Variants in SLC15A1 observed in about 807,000 individuals in gnomAD.
SLC15A1 encodes the protein Caco-2 oligopeptide transporter.
In SLC15A1, 83 loss-of-function variants were observed where a neutral mutation model predicts 92.9. The observed-to-expected ratio is 0.89, with a 90% CI of 0.75 to 1.07. The LOEUF (loss-of-function observed/expected upper bound fraction) is 1.07. SLC15A1 is among the 50% of genes least tolerant of loss of function. The probability of loss-of-function intolerance (pLI) is 0.00; values close to 1 mark genes in which losing one functional copy is unlikely to be tolerated. For missense variants in SLC15A1, 857 were observed against 880.1 expected (o/e 0.97, Z 0.33); for synonymous variants, 322 against 318.2 (o/e 1.01, Z -0.13).
Position 98,723,947 on chromosome 13 carries a change from G to C in SLC15A1, c.330C>G (p.Asn110Lys). 6.2e-7 allele frequency: 1 copy of C among 1,614,188 alleles called. No individual in the cohort carries two copies. Among genetic ancestry groups the C allele is most frequent in the South Asian group, 1.1e-5 (1 of 91,086 alleles). The change falls in exon 5 of 23, where the codon AAC (asparagine) becomes AAG (lysine). Residue 110 changes from asparagine to lysine, a missense_variant. Transcript: ENST00000376503. ...GAAGGCTGTCGGGGGTGCCATCATG[G>C]TTGTGGTCTGTGAGGTCATTAATGG... ...VSSINDLTDH[N>K]HDGTPDSLPV... is the part of the protein sequence containing the mutation.
intron 1 of SLC15A1, among the ~76,000 whole-genome samples, chr13:98,745,178 C>A (rs183004671): frequency 6.6e-6 from 1 of 152,220 alleles, no homozygotes; most frequent in East Asian, 1.9e-4. Flanking sequence ...AACTCTCTTA[C>A]TAAGTGGACC....
At chr13:98,748,065 C>T (rs2088509646) in intron 1 of SLC15A1, among the ~76,000 whole-genome samples, 1 of 152,184 alleles carries the variant, frequency 6.6e-6, no homozygotes, top group Non-Finnish European at 1.5e-5. Flanking sequence ...TCACTGGTCT[C>T]ATAGTACCTC....
intron 16 of SLC15A1, among the ~76,000 whole-genome samples, chr13:98,705,317 G>C (rs1425196645): frequency 6.6e-6 from 1 of 151,938 alleles, no homozygotes; most frequent in Non-Finnish European, 1.5e-5. Flanking sequence ...TCCAGAACAA[G>C]GGTGATCTAG....
chr13:98,752,121 G>T (rs1489489987), intron 1 of SLC15A1, among the ~76,000 whole-genome samples: 1 of 152,234 alleles, frequency 6.6e-6, no homozygotes, highest in Non-Finnish European at 1.5e-5. Context: ...TTAAGAGGGG[G>T]CCACAAAGAG....
At chr13:98,716,886 G>GA (rs1593994986) in intron 8 of SLC15A1, among the ~76,000 whole-genome samples, 1 of 151,968 alleles carries the variant, frequency 6.6e-6, no homozygotes, top group Admixed American at 6.6e-5. Context: ...AAATAACTTA[G>GA]AAAAAAACCA....
At chr13:98,730,827 C>T (rs1428626362) in intron 1 of SLC15A1, among the ~76,000 whole-genome samples, 1 of 152,212 alleles carries the variant, frequency 6.6e-6, no homozygotes, top group Non-Finnish European at 1.5e-5. Context: ...GTGGGCCCTT[C>T]CAGGACCGTC....
intron 11 of SLC15A1, 43 bp downstream of exon 11, chr13:98,711,811 C>A (rs77088110): frequency 2.7e-6 from 4 of 1,464,964 alleles, no homozygotes; most frequent in East Asian, 2.3e-5. Flanking sequence ...GCGGGATGTA[C>A]GCTTGCTCCG....
intron 15 of SLC15A1, among the ~76,000 whole-genome samples, chr13:98,708,088 AGGGTGG>A (rs951727859): frequency 5.4e-5 from 8 of 148,242 alleles, no homozygotes; most frequent in African/African-American, 1.7e-4. Context: ...AGATATTAAA[AGGGTGG>A]GGGAGGGAAG....
At position 98,731,917 on chromosome 13, in the gene SLC15A1, G is replaced by A. The variant is rs189557994; in HGVS notation, c.5-5058C>T. Among the ~76,000 whole-genome samples, 9 of 152,236 alleles carry A rather than the reference G, an allele frequency of 5.9e-5. No homozygotes were observed. The East Asian group carries it at 1.7e-3, about 29-fold the overall frequency. On this transcript the variant is annotated intron_variant, in intron 1 of 22. Transcript: ENST00000376503. ...CTCAGTACCCAGCCATTACCAAGAA[G>A]GCATTTTGTTTTCTGAAAGTGTGTA...
chr13:98,714,372 A>G (rs2088194129), intron 9 of SLC15A1, among the ~76,000 whole-genome samples: 1 of 152,156 alleles, frequency 6.6e-6, no homozygotes, highest in Non-Finnish European at 1.5e-5. Context: ...ACAATCTAAT[A>G]GTACAATACA....
Position 98,688,466 on chromosome 13 carries a change from T to G in SLC15A1, c.1574+4A>C. 6.2e-7 allele frequency: 1 copy of G among 1,613,222 alleles called. No individual in the cohort carries two copies. The highest frequency in any genetic ancestry group is 8.5e-7 in the Non-Finnish European group (1 of 1,179,204). On this transcript the variant is annotated splice_donor_region_variant and intron_variant, in intron 19 of 22. Transcript: ENST00000376503. ...TGAGTGAAGCATTCAGTCTCGGTAC[T>G]TACATGCCAGAAGGAAAAAACTGGT... is the stretch of plus-strand genomic sequence containing the variant.
intron 1 of SLC15A1, among the ~76,000 whole-genome samples, chr13:98,748,105 G>C (rs547332205): frequency 6.6e-6 from 1 of 152,284 alleles, no homozygotes; most frequent in African/African-American, 2.4e-5. Flanking sequence ...CGGAGTGGAA[G>C]AGTGTTGTTT....
chr13:98,715,892 C>T lies in SLC15A1; in HGVS notation c.709G>A (p.Ala237Thr). The stretch of plus-strand genomic sequence containing the variant: ...GAGATACTTACACCGATGCACTTGG[C>T]CACTTTACCCATGATGTTGCCCTGT... ...KPQGNIMGKV[A>T]KCIGFAIKNR... The change falls in exon 9 of 23, where the codon GCC (alanine) becomes ACC (threonine). Residue 237 changes from alanine (A) to threonine (T), a missense_variant. Ala to Thr is a moderately conservative substitution (Grantham distance 58, BLOSUM62 0). Coordinates refer to ENST00000376503, the MANE Select transcript of SLC15A1 (RefSeq NM_005073.4). 3 of 1,614,096 alleles carry T rather than the reference C, an allele frequency of 1.9e-6. No homozygotes were observed. The highest frequency in any genetic ancestry group is 1.7e-6 in the Non-Finnish European group (2 of 1,179,972).
chr13:98,713,309 G>A (rs1229998133), intron 9 of SLC15A1, among the ~76,000 whole-genome samples: 2 of 151,832 alleles, frequency 1.3e-5, no homozygotes, highest in Non-Finnish European at 2.9e-5. Context: ...CGATCCACTC[G>A]CCTCAGCCTC....
rs770934259 is a variant in SLC15A1 at position 98,688,202 on chromosome 13, A to G, written c.1683+46T>C. 18 of 1,265,204 alleles carry G rather than the reference A, an allele frequency of 1.4e-5. No homozygotes were observed. The East Asian group carries it at 1.6e-4, about 11-fold the overall frequency. The allele number at this position is 1,265,204 out of a possible 1,614,324, so 78.4% of individuals were successfully genotyped here. On this transcript the variant is annotated intron_variant, in intron 20 of 22. Transcript: ENST00000376503. ...TAAGTGTTTGTGAGTCTTCATATCA[A>G]TCGAGTATGAGCAGATCTTCTGATA...
intron 1 of SLC15A1, among the ~76,000 whole-genome samples, chr13:98,738,585 A>G (rs766978596): frequency 5.9e-5 from 9 of 152,280 alleles, no homozygotes; most frequent in Non-Finnish European, 1.0e-4. Flanking sequence ...GGTGCAAGCC[A>G]TAAGACTTGG....
chr13:98,718,832 A>G lies in SLC15A1; in HGVS notation c.640+405T>C, dbSNP rs1486198013. On this transcript the variant is annotated intron_variant, in intron 8 of 22. Transcript: ENST00000376503. ...CTTTTTGTTTGTTTGTTTTAGAGGTAGGGTCTCTCTCTGTTGCCTAGGCTG... is the reference window on the plus strand; with the variant it reads ...CTTTTTGTTTGTTTGTTTTAGAGGTGGGGTCTCTCTCTGTTGCCTAGGCTG... Among the ~76,000 whole-genome samples the G allele has an allele frequency of 2.4e-4, 36 of 152,098 alleles. 1 individual carries two copies. Among genetic ancestry groups the G allele is most frequent in the Non-Finnish European group, 4.4e-5 (3 of 68,016 alleles).
In SLC15A1 at chr13:98,726,394, T is replaced by C. The variant is rs1174242331; in HGVS notation, c.77A>G (p.Glu26Gly). Reference protein sequence around the residue: ...IFFIVVNEFCERFSYYGMRAI... With the variant: ...IFFIVVNEFCGRFSYYGMRAI... ...TCGCATTCCATAGTAGGAAAATCTT[T>C]CGCAAAACTCATTGACCACGATGAA... Residue 26 changes from glutamate to glycine, a missense_variant, in exon 3 of 23, where the codon GAA (glutamate) becomes GGA (glycine). Coordinates refer to ENST00000376503, the MANE Select transcript of SLC15A1 (RefSeq NM_005073.4). 4 of 1,614,168 alleles carry C rather than the reference T, an allele frequency of 2.5e-6. No individual in the cohort carries two copies. Among genetic ancestry groups the C allele is most frequent in the Non-Finnish European group, 3.4e-6 (4 of 1,180,026 alleles).
chr13:98,717,238 T>C (rs1223709324), intron 8 of SLC15A1, among the ~76,000 whole-genome samples: 1 of 152,244 alleles, frequency 6.6e-6, no homozygotes, highest in Non-Finnish European at 1.5e-5. Context: ...ATGTTCTTTA[T>C]AGCTGATAAA....
Sources: allele counts gnomAD v4.1 joint callset (sites outside exome capture counted in the v4.1 genomes callset), GRCh38; gene constraint gnomAD v4.1.1; transcripts MANE v1.5; gene names NCBI Gene and HGNC (gene_info 2026-07-23, HGNC 2026-07-21).